The following ZMYM2 variants were observed in gnomAD, a reference collection of about 807,000 sequenced individuals.
The protein encoded by ZMYM2 is zinc finger MYM-type containing 2.
Under a neutral mutation model 162.8 loss-of-function variants are expected in ZMYM2, and 56 were observed. That is an observed-to-expected ratio of 0.34 (90% CI 0.28 to 0.43). The LOEUF (loss-of-function observed/expected upper bound fraction) is 0.43, where lower values mean the gene tolerates loss of function less well. Among genes scored for constraint, ZMYM2 ranks in the 20% least tolerant of loss-of-function variants. The pLI is 1.00. For synonymous variants in ZMYM2, 510 were observed against 541.6 expected, an observed-to-expected ratio of 0.94 and a Z score of 0.81; for missense variants, 1,275 against 1,621.8, an observed-to-expected ratio of 0.79 and a Z score of 3.67.
At chr13:19,902,098 C>T in the ZMYM2 span, among the ~76,000 whole-genome samples, 12,717 of 152,082 alleles carry the variant, frequency 0.084, 569 homozygotes, top group Middle Eastern at 0.12. Context: ...CTGAATGAAC[C>T]TTAACAATAA....
chr13:19,899,816 C>CAAAAAAAAAAAAAAAAAA, the ZMYM2 span, among the ~76,000 whole-genome samples: 3 of 64,988 alleles, frequency 4.6e-5, no homozygotes, highest in Non-Finnish European at 8.0e-5. Context: ...GACTCTGACT[C>CAAAAAAAAAAAAAAAAAA]AAAAAAAAAA....
Position 20,086,154 on chromosome 13 carries a change from T to TAA in ZMYM2, c.*142_*143dup. The TAA allele has an allele frequency of 1.4e-6, 1 of 717,446 alleles. No individual in the cohort carries two copies. The highest frequency in any genetic ancestry group is 2.1e-6 in the Non-Finnish European group (1 of 474,112). The allele number at this position is 717,446 out of a possible 1,614,324, so 44.4% of individuals were successfully genotyped here. A position where few individuals can be genotyped will look rare whatever the true frequency, so the allele number is the denominator to read the frequency against. On this transcript the variant is annotated 3_prime_UTR_variant, in exon 25 of 25. Transcript: ENST00000610343. ...TGTACCCACGCTGGGTATTACCATG[T>TAA]AAATAATCTGTGAGTGAAAGTTGCC...
At chr13:20,000,467 T>C (rs547417169) in intron 3 of ZMYM2, among the ~76,000 whole-genome samples, 20 of 152,232 alleles carry the variant, frequency 1.3e-4, no homozygotes, top group Non-Finnish European at 2.2e-4. Context: ...GAGGTTAATA[T>C]ACTTAGTGAC....
At chr13:20,066,279 C>T (rs1047956070) in intron 19 of ZMYM2, among the ~76,000 whole-genome samples, 1 of 152,074 alleles carries the variant, frequency 6.6e-6, no homozygotes, top group Non-Finnish European at 1.5e-5. Flanking sequence ...GGGCTCTGAT[C>T]CCCCCTGCAC....
chr13:19,953,398 C>A, the ZMYM2 span, among the ~76,000 whole-genome samples: 2 of 151,990 alleles, frequency 1.3e-5, no homozygotes, highest in Non-Finnish European at 2.9e-5. Context: ...AAATTTCAAC[C>A]TATAGGCTGG....
At chr13:20,021,254 C>T (rs749679430) in intron 7 of ZMYM2, among the ~76,000 whole-genome samples, 4 of 151,910 alleles carry the variant, frequency 2.6e-5, no homozygotes, top group African/African-American at 7.3e-5. Context: ...GAATTACAGG[C>T]GTGAGCCACT....
intron 12 of ZMYM2, among the ~76,000 whole-genome samples, chr13:20,050,901 G>A (rs925015077): frequency 1.3e-4 from 20 of 151,698 alleles, no homozygotes; most frequent in African/African-American, 4.8e-4. Context: ...ACATAAAGTT[G>A]TTATTAAAAT....
At chr13:19,960,727 A>C (rs1290544787) in intron 2 of ZMYM2, among the ~76,000 whole-genome samples, 1 of 152,222 alleles carries the variant, frequency 6.6e-6, no homozygotes, top group East Asian at 1.9e-4. Flanking sequence ...TAAGGCAACT[A>C]TGTAATGTGC....
intron 14 of ZMYM2, among the ~76,000 whole-genome samples, chr13:20,055,818 C>A (rs1164631064): frequency 6.6e-6 from 1 of 151,574 alleles, no homozygotes; most frequent in Non-Finnish European, 1.5e-5. Context: ...TTAAAGCATA[C>A]TGAACAGCTT....
intron 3 of ZMYM2, among the ~76,000 whole-genome samples, chr13:19,998,292 A>G (rs1950163196): frequency 6.6e-6 from 1 of 152,118 alleles, no homozygotes; most frequent in Non-Finnish European, 1.5e-5. Context: ...AATTTTTTTG[A>G]TGTTGGAGGA....
At position 20,082,795 on chromosome 13, in the gene ZMYM2, C is replaced by T; in HGVS notation, c.3583C>T (p.Arg1195Ter). 1 of 1,605,026 alleles carries T rather than the reference C, an allele frequency of 6.2e-7. No individual in the cohort carries two copies. The highest frequency in any genetic ancestry group is 2.2e-5 in the East Asian group (1 of 44,698). ...SILPDGSIFS[R>*]VEEDYLWRIK... ...CTCTATTTAAGGGTCAATATTCTCT[C>T]GAGTTGAAGAAGACTATCTCTGGAG... Residue 1195 changes from arginine to a stop codon, truncating the protein, a stop_gained, in exon 23 of 25, where the codon CGA becomes TGA. Transcript: ENST00000610343. LOFTEE classifies it high-confidence loss of function.
intron 11 of ZMYM2, 74 bp downstream of exon 11, chr13:20,034,478 A>C: frequency 7.6e-7 from 1 of 1,320,292 alleles, no homozygotes; most frequent in Non-Finnish European, 9.8e-7. Flanking sequence ...ATATATCCAG[A>C]GTGGCTGCAC....
chr13:19,974,010 G>T (rs1406048960), intron 2 of ZMYM2, among the ~76,000 whole-genome samples: 1 of 152,224 alleles, frequency 6.6e-6, no homozygotes, highest in African/African-American at 2.4e-5. Flanking sequence ...AGATGTGCCA[G>T]TGTCTGAATG....
At chr13:20,052,395 A>G (rs1177978563) in intron 14 of ZMYM2, 84 bp downstream of exon 14, 1 of 1,341,188 alleles carries the variant, frequency 7.5e-7, no homozygotes, top group African/African-American at 1.5e-5. Context: ...ATGTGATCAT[A>G]ATAGTAATTT....
chr13:19,871,044 C>A, the ZMYM2 span, among the ~76,000 whole-genome samples: 1 of 151,650 alleles, frequency 6.6e-6, no homozygotes, highest in African/African-American at 2.4e-5. Flanking sequence ...AATATGTGGA[C>A]ATATGTTAAA....
At chr13:19,885,972 C>CAT in the ZMYM2 span, among the ~76,000 whole-genome samples, 72 of 96,886 alleles carry the variant, frequency 7.4e-4, 22 homozygotes, top group African/African-American at 3.5e-3. Flanking sequence ...TGTGTATACA[C>CAT]ATATATATGT....
the ZMYM2 span, among the ~76,000 whole-genome samples, chr13:19,903,184 T>C: frequency 6.6e-6 from 1 of 151,538 alleles, no homozygotes; most frequent in African/African-American, 2.4e-5. Context: ...AATAAATAAA[T>C]TAGCTGGGCA....
chr13:20,083,038 G>A lies in ZMYM2; in HGVS notation c.3820+6G>A, dbSNP rs756817911. ...GTGTGGAACAGATAATGAAGGTAGT[G>A]TAACAGATTTCTATTTTTATTTTTA... On this transcript the variant is annotated splice_donor_region_variant and intron_variant, in intron 23 of 24. Coordinates refer to ENST00000610343, the MANE Select transcript of ZMYM2 (RefSeq NM_197968.4). The A allele has an allele frequency of 2.5e-6, 4 of 1,568,712 alleles. No individual in the cohort carries two copies. In the African/African-American group the frequency reaches 4.2e-5, roughly 16 times the overall value.
At chr13:19,991,335 G>A (rs1462721869) in intron 2 of ZMYM2, among the ~76,000 whole-genome samples, 1 of 151,690 alleles carries the variant, frequency 6.6e-6, no homozygotes, top group African/African-American at 2.4e-5. Flanking sequence ...GCTCAGGCTG[G>A]TCTCGAACTC....
Sources: gnomAD v4.1 joint callset for allele counts (sites outside exome capture counted in the v4.1 genomes callset) on GRCh38, gnomAD v4.1.1 for gene constraint, MANE v1.5 for transcripts, NCBI Gene and HGNC (gene_info 2026-07-23, HGNC 2026-07-21) for gene names.